HERC2: variants seen among roughly 807,000 people sequenced by gnomAD.
The protein encoded by HERC2 is HECT and RLD domain containing E3 ubiquitin protein ligase 2.
In HERC2, 102 loss-of-function variants were observed where a neutral mutation model predicts 537.7. That is an observed-to-expected ratio of 0.19 (90% confidence interval 0.16 to 0.22). HERC2 has a LOEUF of 0.22. HERC2 is among the 10% of genes least tolerant of loss of function. The pLI is 1.00. For missense variants in HERC2, 4,236 were observed against 6,198.2 expected (o/e 0.68, Z 10.63); for synonymous variants, 2,224 against 2,466.2 (o/e 0.90, Z 2.91).
chr15:28,149,857 A>G (rs1892228179), intron 70 of HERC2, among the ~76,000 whole-genome samples: 1 of 152,072 alleles, frequency 6.6e-6, no homozygotes, highest in South Asian at 2.1e-4. Flanking sequence ...ACGAACGCAC[A>G]TTCTAGTAAA....
chr15:28,153,321 C>T (rs1892647720), intron 69 of HERC2, among the ~76,000 whole-genome samples: 1 of 152,052 alleles, frequency 6.6e-6, no homozygotes, highest in Non-Finnish European at 1.5e-5. Context: ...CCGTTGCACT[C>T]CAGCCTGGGT....
At chr15:28,309,526 C>A (rs547993193) in intron 2 of HERC2, among the ~76,000 whole-genome samples, 2 of 152,128 alleles carry the variant, frequency 1.3e-5, no homozygotes, top group Non-Finnish European at 2.9e-5. Context: ...TCCATCCCCC[C>A]GCACCGTCCT....
chr15:28,182,280 T>C lies in HERC2; in HGVS notation c.8937+121A>G, dbSNP rs548140483. 32 of 582,010 alleles carry C rather than the reference T, an allele frequency of 5.5e-5. No homozygotes were observed. The South Asian group carries it at 8.9e-4, about 16-fold the overall frequency. 36.1% of individuals were successfully genotyped at this position (582,010 alleles called of 1,614,324 possible). On this transcript the variant is annotated intron_variant, in intron 57 of 92. Coordinates refer to ENST00000261609, the MANE Select transcript of HERC2 (RefSeq NM_004667.6). ...GCTTCTGAGGGGTAATTTGATAATG[T>C]CTTTTAGTTCGTGTAAAGAAACAAT...
rs763910654 is a variant in HERC2 at position 28,179,141 on chromosome 15, C to A, written c.9019+1G>T. On this transcript the variant is annotated splice_donor_variant, in intron 58 of 92. Coordinates refer to ENST00000261609, the MANE Select transcript of HERC2 (RefSeq NM_004667.6). LOFTEE classifies it high-confidence loss of function. ...ATTTTTTAAGATTAGAATAATCATA[C>A]CTGCAAACAAACTTTTAGATCCACC... The A allele has an allele frequency of 6.2e-7, 1 of 1,610,822 alleles. No individual in the cohort carries two copies. The highest frequency in any genetic ancestry group is 8.5e-7 in the Non-Finnish European group (1 of 1,178,708).
At chr15:28,194,529 G>A (rs1287054388) in intron 52 of HERC2, among the ~76,000 whole-genome samples, 3 of 151,156 alleles carry the variant, frequency 2.0e-5, no homozygotes, top group Admixed American at 1.3e-4. Context: ...AAGATCACGC[G>A]CCACTGCACT....
chr15:28,186,457 C>A, intron 56 of HERC2, 120 bp downstream of exon 56: 1 of 693,004 alleles, frequency 1.4e-6, no homozygotes, highest in Middle Eastern at 4.3e-4. Context: ...ATTTACCAAT[C>A]GTGTGGACAT....
At chr15:28,225,345 C>A (rs1901014573) in intron 35 of HERC2, among the ~76,000 whole-genome samples, 1 of 151,920 alleles carries the variant, frequency 6.6e-6, no homozygotes. Flanking sequence ...AGAAAAATAA[C>A]AAAACCAAAA....
At chr15:28,254,229 G>A in intron 20 of HERC2, 111 bp downstream of exon 20, 1 of 702,102 alleles carries the variant, frequency 1.4e-6, no homozygotes, top group Non-Finnish European at 2.3e-6. Context: ...CTTGCAGTGA[G>A]CCAAGATGGC....
intron 10 of HERC2, 25 bp downstream of exon 10, chr15:28,270,670 G>A: frequency 2.5e-6 from 4 of 1,606,490 alleles, no homozygotes; most frequent in Non-Finnish European, 2.6e-6. Flanking sequence ...AAAACACATG[G>A]AGAACACGGT....
At chr15:28,287,537 A>T (rs1036246445) in intron 4 of HERC2, among the ~76,000 whole-genome samples, 2 of 152,174 alleles carry the variant, frequency 1.3e-5, no homozygotes, top group East Asian at 1.9e-4. Context: ...AGGGGAAACA[A>T]GGAGAAAGGC....
At chr15:28,260,557 G>A (rs1007238095) in intron 16 of HERC2, among the ~76,000 whole-genome samples, 2 of 152,180 alleles carry the variant, frequency 1.3e-5, no homozygotes, top group African/African-American at 4.8e-5. Flanking sequence ...CGAGCAGACT[G>A]GAAAGGAAGA....
chr15:28,283,787 G>A (rs566561959), intron 4 of HERC2, among the ~76,000 whole-genome samples: 112 of 152,304 alleles, frequency 7.4e-4, no homozygotes, highest in Non-Finnish European at 9.3e-4. Flanking sequence ...ATAAAGGAAC[G>A]TCAAGGGAGG....
chr15:28,214,008 C>A (rs190369651), intron 41 of HERC2, 36 bp from the exon 42 acceptor site: 336 of 1,610,374 alleles, frequency 2.1e-4, no homozygotes, highest in Middle Eastern at 1.3e-3. Context: ...GACAGAGACA[C>A]TCACGGAGCT....
At chr15:28,303,940 CG>C (rs1157723590) in intron 2 of HERC2, among the ~76,000 whole-genome samples, 1 of 151,982 alleles carries the variant, frequency 6.6e-6, no homozygotes, top group Admixed American at 6.6e-5. Flanking sequence ...CCAAGGCAGG[CG>C]GATCACCTGA....
At chr15:28,271,898 C>T (rs1029250447) in intron 9 of HERC2, 14 of 294,158 alleles carry the variant, frequency 4.8e-5, no homozygotes, top group African/African-American at 2.8e-4. Context: ...GCTCAGGTGA[C>T]GTGCCCTGCA....
intron 79 of HERC2, among the ~76,000 whole-genome samples, 189 bp from the exon 80 acceptor site, chr15:28,133,019 G>A (rs543373600): frequency 2.0e-5 from 3 of 152,078 alleles, no homozygotes; most frequent in South Asian, 2.1e-4. Context: ...CAGAGGACAC[G>A]GCTTCCCCAG....
At chr15:28,307,840 T>C (rs905684269) in intron 2 of HERC2, among the ~76,000 whole-genome samples, 36 of 152,350 alleles carry the variant, frequency 2.4e-4, no homozygotes, top group African/African-American at 7.9e-4. Flanking sequence ...TCTTGGTACC[T>C]TTGTCGAAAA....
chr15:28,252,309 A>G (rs2075109635), intron 20 of HERC2, among the ~76,000 whole-genome samples: 1 of 152,026 alleles, frequency 6.6e-6, no homozygotes, highest in African/African-American at 2.4e-5. Context: ...CTGGGCAAGC[A>G]GGAGACGGGG....
intron 90 of HERC2, among the ~76,000 whole-genome samples, chr15:28,114,123 A>C (rs1170366723): frequency 6.6e-6 from 1 of 152,218 alleles, no homozygotes; most frequent in African/African-American, 2.4e-5. Flanking sequence ...GGCCTCACCC[A>C]GACACTCTCA....
Sources: allele counts gnomAD v4.1 joint callset (sites outside exome capture counted in the v4.1 genomes callset), GRCh38; gene constraint gnomAD v4.1.1; transcripts MANE v1.5; gene names NCBI Gene and HGNC (gene_info 2026-07-23, HGNC 2026-07-21).